Variants in SRPX observed in about 807,000 individuals in gnomAD.
SRPX encodes the protein sushi repeat-containing protein SRPX.
Under a neutral mutation model 38.1 loss-of-function variants are expected in SRPX, and 24 were observed. The ratio of observed to expected loss-of-function variants is 0.63; its 90% CI spans 0.46 to 0.89. SRPX has a LOEUF of 0.89. Ranked by LOEUF, SRPX falls within the 40% of genes least tolerant of loss-of-function variation. The probability of loss-of-function intolerance (pLI) is 0.00; values close to 1 mark genes in which losing one functional copy is unlikely to be tolerated. For synonymous variants in SRPX, 184 were observed against 153.8 expected, an observed-to-expected ratio of 1.20 and a Z score of -1.45; for missense variants, 416 against 377.8, an observed-to-expected ratio of 1.10 and a Z score of -0.84.
At chrX:38,185,935 G>C (rs1304957370) in intron 1 of SRPX, among the ~76,000 whole-genome samples, 1 of 107,889 alleles carries the variant, frequency 9.3e-6, no homozygotes, top group Non-Finnish European at 1.9e-5. Flanking sequence ...ATGTTGGTGG[G>C]AAATAATCAC....
intron 1 of SRPX, among the ~76,000 whole-genome samples, chrX:38,197,737 G>C (rs1441668859): frequency 8.9e-6 from 1 of 112,189 alleles, no homozygotes; most frequent in African/African-American, 3.2e-5. Context: ...GAAGAAAATG[G>C]GACTAAAAGG....
At chrX:38,174,110 C>T (rs1449006371) in intron 3 of SRPX, 50 bp downstream of exon 3, 1 of 965,011 alleles carries the variant, frequency 1.0e-6, no homozygotes, top group Non-Finnish European at 1.3e-6. Flanking sequence ...AGCAAAAGAA[C>T]TTTGGCTCTG....
intron 9 of SRPX, among the ~76,000 whole-genome samples, chrX:38,151,170 C>G (rs1235656563): frequency 3.6e-5 from 4 of 111,973 alleles, no homozygotes; most frequent in African/African-American, 9.7e-5. Context: ...CAGTTCACTC[C>G]CAGTGACTAG....
intron 1 of SRPX, among the ~76,000 whole-genome samples, chrX:38,202,607 G>A (rs1219682126): frequency 1.8e-5 from 2 of 111,577 alleles, no homozygotes; most frequent in African/African-American, 6.5e-5. Flanking sequence ...TCATATCATT[G>A]ACAAAACTCA....
At chrX:38,181,662 CTTCCAT>C (rs1343501202) in intron 1 of SRPX, among the ~76,000 whole-genome samples, 1 of 111,935 alleles carries the variant, frequency 8.9e-6, no homozygotes, top group African/African-American at 3.2e-5. Context: ...GACTTCTTGA[CTTCCAT>C]TGCTCCAGCC....
intron 1 of SRPX, among the ~76,000 whole-genome samples, chrX:38,198,896 A>G (rs1316226187): frequency 1.8e-5 from 2 of 111,016 alleles, no homozygotes; most frequent in Non-Finnish European, 3.8e-5. Context: ...TATAAACTGA[A>G]CACACCCATG....
chrX:38,171,746 T>A (rs1938473898), intron 4 of SRPX, 135 bp downstream of exon 4: 1 of 561,918 alleles, frequency 1.8e-6, no homozygotes, highest in South Asian at 3.7e-5. Context: ...AGAGAACCAG[T>A]GATGCTACTG....
Position 38,176,749 on chromosome X carries a change from C to T in SRPX, c.157+1536G>A, listed in dbSNP as rs182275974. On this transcript the variant is annotated intron_variant, in intron 2 of 9. Transcript: ENST00000378533. ...CGGATGTTACAGTGAGCCAAGATCACGCCACTGCACTACAGCCTGGGTGAC... is the reference window on the plus strand; with the variant it reads ...CGGATGTTACAGTGAGCCAAGATCATGCCACTGCACTACAGCCTGGGTGAC... Among the ~76,000 whole-genome samples, 290 of 111,742 alleles carry T rather than the reference C, an allele frequency of 2.6e-3. 1 individual carries two copies. The highest frequency in any genetic ancestry group is 8.1e-3 in the African/African-American group (250 of 30,747).
At chrX:38,183,818 T>C (rs1938716390) in intron 1 of SRPX, among the ~76,000 whole-genome samples, 1 of 111,946 alleles carries the variant, frequency 8.9e-6, no homozygotes, top group African/African-American at 3.2e-5. Context: ...AAATACAAAT[T>C]GTACGTTGGC....
chrX:38,178,140 T>A, intron 2 of SRPX, 145 bp downstream of exon 2: 1 of 372,549 alleles, frequency 2.7e-6, no homozygotes. Context: ...AAAGGGAGTA[T>A]ATATATATAT....
chrX:38,151,443 G>A (rs1274865647), intron 9 of SRPX, among the ~76,000 whole-genome samples: 1 of 111,693 alleles, frequency 9.0e-6, no homozygotes, highest in Non-Finnish European at 1.9e-5. Flanking sequence ...TGAAGCCTGT[G>A]GGAAAGGGTG....
At chrX:38,196,357 C>T (rs748224463) in intron 1 of SRPX, among the ~76,000 whole-genome samples, 5 of 112,433 alleles carry the variant, frequency 4.4e-5, no homozygotes, top group Admixed American at 9.4e-5. Context: ...CATCTTGTGA[C>T]TCAGTACACA....
At chrX:38,161,410 G>C (rs922916420) in intron 5 of SRPX, among the ~76,000 whole-genome samples, 5 of 106,964 alleles carry the variant, frequency 4.7e-5, no homozygotes, top group African/African-American at 1.7e-4. Context: ...TTGCCTCACT[G>C]TTGGGAAGAC....
chrX:38,150,013 T>A, intron 9 of SRPX, 119 bp from the exon 10 acceptor site: 2 of 590,099 alleles, frequency 3.4e-6, no homozygotes, highest in Non-Finnish European at 5.0e-6. Flanking sequence ...AATGAAGGAC[T>A]GAATCATCCT....
chrX:38,177,201 C>T (rs188576937), intron 2 of SRPX, among the ~76,000 whole-genome samples: 1 of 111,658 alleles, frequency 9.0e-6, no homozygotes, highest in East Asian at 2.8e-4. Context: ...TTCCTTACCC[C>T]AAGCATCTGA....
chrX:38,181,062 A>G (rs1938662644), intron 1 of SRPX, among the ~76,000 whole-genome samples: 2 of 112,447 alleles, frequency 1.8e-5, no homozygotes, highest in South Asian at 7.4e-4. Flanking sequence ...AAATACAAAG[A>G]TATGTACGGT....
At chrX:38,173,735 C>T (rs1401184488) in intron 3 of SRPX, among the ~76,000 whole-genome samples, 2 of 112,098 alleles carry the variant, frequency 1.8e-5, no homozygotes, top group African/African-American at 6.5e-5. Context: ...CAGGCATGAG[C>T]CACTGCGCCC....
At chrX:38,162,007 G>C (rs138188625) in intron 5 of SRPX, among the ~76,000 whole-genome samples, 105 of 112,233 alleles carry the variant, frequency 9.4e-4, no homozygotes, top group African/African-American at 2.7e-3. Flanking sequence ...CTGTTTACCA[G>C]GTATGAGAGA....
intron 1 of SRPX, among the ~76,000 whole-genome samples, chrX:38,217,882 C>T (rs1361987186): frequency 8.9e-6 from 1 of 112,140 alleles, no homozygotes; most frequent in African/African-American, 3.2e-5. Context: ...TTGTACTGTA[C>T]TGAAAGTGTT....
Sources: gnomAD v4.1 joint callset for allele counts (sites outside exome capture counted in the v4.1 genomes callset) on GRCh38, gnomAD v4.1.1 for gene constraint, MANE v1.5 for transcripts, NCBI Gene and HGNC (gene_info 2026-07-23, HGNC 2026-07-21) for gene names.